The following HIP1 variants were observed in gnomAD, a reference collection of about 807,000 sequenced individuals.
The protein encoded by HIP1 is huntingtin-interacting protein 1.
Under a neutral mutation model 147.6 loss-of-function variants are expected in HIP1, and 65 were observed. That is an observed-to-expected ratio of 0.44 (90% confidence interval 0.36 to 0.54). HIP1 has a LOEUF of 0.54. Ranked by LOEUF, HIP1 falls within the 20% of genes least tolerant of loss-of-function variation. The pLI, the probability that HIP1 is intolerant of heterozygous loss-of-function variation, is 0.00. For synonymous variants in HIP1, 479 were observed against 504.0 expected (o/e 0.95, Z 0.67); for missense variants, 1,061 against 1,299.6 (o/e 0.82, Z 2.82).
intron 1 of HIP1, among the ~76,000 whole-genome samples, chr7:75,634,113 C>T (rs1798336595): frequency 6.6e-6 from 1 of 151,940 alleles, no homozygotes; most frequent in South Asian, 2.1e-4. Flanking sequence ...AAAAGGCAGT[C>T]AAACATGGTG....
intron 9 of HIP1, among the ~76,000 whole-genome samples, chr7:75,564,632 TC>T (rs1373636899): frequency 6.6e-6 from 1 of 152,174 alleles, no homozygotes; most frequent in African/African-American, 2.4e-5. Context: ...TCTTAGTCTG[TC>T]GCCCAGGCTG....
At chr7:75,611,185 C>A (rs764579809) in intron 1 of HIP1, among the ~76,000 whole-genome samples, 1 of 150,930 alleles carries the variant, frequency 6.6e-6, no homozygotes, top group African/African-American at 2.4e-5. Flanking sequence ...GTCCCAGGTA[C>A]GCCAGGTGCG....
At chr7:75,551,257 G>A (rs1047644570) in intron 22 of HIP1, among the ~76,000 whole-genome samples, 6 of 134,812 alleles carry the variant, frequency 4.5e-5, no homozygotes, top group African/African-American at 1.7e-4. Flanking sequence ...GAGTGCAGTG[G>A]TGCAATCTCG....
At chr7:75,726,512 T>A (rs781823408) in intron 1 of HIP1, among the ~76,000 whole-genome samples, 2 of 151,996 alleles carry the variant, frequency 1.3e-5, no homozygotes, top group Non-Finnish European at 2.9e-5. Flanking sequence ...CTCGAACTCT[T>A]GACCTCGCGA....
chr7:75,699,452 C>T (rs1388292907), intron 1 of HIP1, among the ~76,000 whole-genome samples: 1 of 152,140 alleles, frequency 6.6e-6, no homozygotes, highest in African/African-American at 2.4e-5. Context: ...AGGTTCTAGG[C>T]TGGTTCCATC....
chr7:75,663,205 G>C (rs1799369856), intron 1 of HIP1, among the ~76,000 whole-genome samples: 1 of 152,204 alleles, frequency 6.6e-6, no homozygotes, highest in Non-Finnish European at 1.5e-5. Context: ...TGCACCAGGT[G>C]TGTGCCAGGC....
At chr7:75,696,214 C>T (rs1238770549) in intron 1 of HIP1, among the ~76,000 whole-genome samples, 1 of 151,948 alleles carries the variant, frequency 6.6e-6, no homozygotes, top group African/African-American at 2.4e-5. Flanking sequence ...TCTCGAACTC[C>T]TGGGCTAAAG....
chr7:75,677,955 A>G (rs1554516293), intron 1 of HIP1, among the ~76,000 whole-genome samples: 1 of 151,888 alleles, frequency 6.6e-6, no homozygotes, highest in Non-Finnish European at 1.5e-5. Flanking sequence ...CACCCTCTCT[A>G]ATGTAACCTC....
rs1486832034 is a variant in HIP1 at position 75,555,941 on chromosome 7, C to T, written c.1827+85G>A. On this transcript the variant is annotated intron_variant, in intron 18 of 30. Coordinates refer to ENST00000336926, the MANE Select transcript of HIP1 (RefSeq NM_005338.7). ...GCCCCAAACCCCTTCTCAGCAGCCC[C>T]GGGGTCCTCCCAGCCTCCGTGCATG... 5.9e-6 allele frequency: 9 copies of T among 1,530,352 alleles called. No homozygotes were observed. The East Asian group carries it at 6.7e-5, about 11-fold the overall frequency. The allele number at this position is 1,530,352 out of a possible 1,614,324, so 94.8% of individuals were successfully genotyped here.
intron 7 of HIP1, among the ~76,000 whole-genome samples, chr7:75,576,826 A>G (rs1795862066): frequency 6.6e-6 from 1 of 152,230 alleles, no homozygotes; most frequent in Non-Finnish European, 1.5e-5. Context: ...AATCACCCAC[A>G]ATAGTGCTAT....
At chr7:75,616,105 A>C (rs1554505944) in intron 1 of HIP1, among the ~76,000 whole-genome samples, 2 of 149,896 alleles carry the variant, frequency 1.3e-5, no homozygotes, top group Admixed American at 1.3e-4. Flanking sequence ...AAAAAAAAAA[A>C]AGAAAAGATA....
At chr7:75,692,721 C>A (rs753758841) in intron 1 of HIP1, among the ~76,000 whole-genome samples, 1 of 151,856 alleles carries the variant, frequency 6.6e-6, no homozygotes, top group Non-Finnish European at 1.5e-5. Flanking sequence ...TGAGCCACTG[C>A]GCCCAGACAC....
rs1453006330 is a variant in HIP1 at position 75,684,406 on chromosome 7, T to A, written c.120+54395A>T. On this transcript the variant is annotated intron_variant, in intron 1 of 30. Coordinates refer to ENST00000336926, the MANE Select transcript of HIP1 (RefSeq NM_005338.7). Reference sequence around the variant, plus strand: ...GAGGTTGCAGTAAGCCGAGATTGCATCACTGCACTCCAGCCTGAGCAACAG... The same window carrying A: ...GAGGTTGCAGTAAGCCGAGATTGCAACACTGCACTCCAGCCTGAGCAACAG... 2.4e-5 allele frequency among the ~76,000 whole-genome samples: 3 copies of A among 126,064 alleles called. No individual in the cohort carries two copies. The East Asian group carries it at 7.2e-4, about 30-fold the overall frequency. 82.7% of individuals were successfully genotyped at this position (126,064 alleles called of 152,430 possible). A position where few individuals can be genotyped will look rare whatever the true frequency, so the allele number is the denominator to read the frequency against.
chr7:75,538,002 T>G lies in HIP1; in HGVS notation c.*170A>C, dbSNP rs1794150941. On this transcript the variant is annotated 3_prime_UTR_variant, in exon 31 of 31. Coordinates refer to ENST00000336926, the MANE Select transcript of HIP1 (RefSeq NM_005338.7). The stretch of plus-strand genomic sequence containing the variant: ...TGACCATGGGTCCAAACAGAAAGGG[T>G]GTCGCTATGGAGGGAGTCTTTGGAA... 4 of 663,494 alleles carry G rather than the reference T, an allele frequency of 6.0e-6. No homozygotes were observed. Among genetic ancestry groups the G allele is most frequent in the Non-Finnish European group, 1.1e-5 (4 of 359,608 alleles). 41.1% of individuals were successfully genotyped at this position (663,494 alleles called of 1,614,324 possible).
At chr7:75,611,439 C>T (rs1262872888) in intron 1 of HIP1, among the ~76,000 whole-genome samples, 1 of 146,196 alleles carries the variant, frequency 6.8e-6, no homozygotes, top group Non-Finnish European at 1.5e-5. Flanking sequence ...TGCACTCCAG[C>T]CTGGGTGACA....
At chr7:75,553,336 G>C in intron 22 of HIP1, 117 bp downstream of exon 22, 1 of 1,281,402 alleles carries the variant, frequency 7.8e-7, no homozygotes, top group Non-Finnish European at 1.1e-6. Context: ...TCTCTTTCTA[G>C]AATCAAGTTC....
chr7:75,556,277 G>T, intron 17 of HIP1, 108 bp from the exon 18 acceptor site: 1 of 1,339,704 alleles, frequency 7.5e-7, no homozygotes, highest in Non-Finnish European at 1.0e-6. Flanking sequence ...GAAGGTGATG[G>T]CTCTTTAACC....
chr7:75,699,322 A>T (rs1800742496), intron 1 of HIP1, among the ~76,000 whole-genome samples: 1 of 152,152 alleles, frequency 6.6e-6, no homozygotes, highest in Non-Finnish European at 1.5e-5. Flanking sequence ...ATATACTAGA[A>T]AATATACTCT....
intron 1 of HIP1, among the ~76,000 whole-genome samples, chr7:75,667,336 G>T (rs1799592533): frequency 6.6e-6 from 1 of 152,162 alleles, no homozygotes; most frequent in South Asian, 2.1e-4. Flanking sequence ...TCTTAGAAAA[G>T]TGTTAACTCA....
Sources: gnomAD v4.1 joint callset for allele counts (sites outside exome capture counted in the v4.1 genomes callset) on GRCh38, gnomAD v4.1.1 for gene constraint, MANE v1.5 for transcripts, NCBI Gene and HGNC (gene_info 2026-07-23, HGNC 2026-07-21) for gene names.